Variants in DPY19L4 observed in about 807,000 individuals in gnomAD.
The protein encoded by DPY19L4 is dpy-19 like 4.
DPY19L4 carries 97 observed loss-of-function variants against 102.8 expected under a neutral mutation model. The ratio of observed to expected loss-of-function variants is 0.94; its 90% CI spans 0.80 to 1.12. The LOEUF is 1.12. DPY19L4 is among the 50% of genes most tolerant of loss of function. The pLI is 0.00. For synonymous variants in DPY19L4, 252 were observed against 283.1 expected (o/e 0.89, Z 1.10); for missense variants, 815 against 850.4 (o/e 0.96, Z 0.52).
rs549079536 is a variant in DPY19L4 at position 94,756,124 on chromosome 8, G to A, written c.700G>A (p.Gly234Ser). ...TGCATGCCAAATTGCTGCACTTACA[G>A]GCTATTTAAAAAGCAACTTAAATAC... ...YFACQIAALTGYLKSNLNTYG... is the reference protein window; with the variant it reads ...YFACQIAALTSYLKSNLNTYG... The change falls in exon 7 of 19, where the codon GGC (glycine) becomes AGC (serine). Residue 234 changes from glycine (G) to serine (S), a missense_variant. Transcript: ENST00000414645. 1.9e-6 allele frequency: 3 copies of A among 1,613,790 alleles called. No individual in the cohort carries two copies. In the South Asian group the frequency reaches 3.3e-5, roughly 18 times the overall value.
intron 13 of DPY19L4, among the ~76,000 whole-genome samples, chr8:94,772,897 A>C (rs1358086333): frequency 6.6e-6 from 1 of 152,206 alleles, no homozygotes; most frequent in Non-Finnish European, 1.5e-5. Flanking sequence ...AGTAAGATGC[A>C]TGGGAATAAA....
chr8:94,775,976 T>C (rs188546950), intron 13 of DPY19L4, among the ~76,000 whole-genome samples: 304 of 151,908 alleles, frequency 2.0e-3, no homozygotes, highest in African/African-American at 6.9e-3. Context: ...TAATTTTTTC[T>C]GTACACCTGG....
intron 1 of DPY19L4, 124 bp downstream of exon 1, chr8:94,720,138 G>A: frequency 7.2e-7 from 1 of 1,386,876 alleles, no homozygotes; most frequent in Non-Finnish European, 9.4e-7. Flanking sequence ...CGCGCGGGCA[G>A]GGCGGGAAGG....
rs564148757 is a variant in DPY19L4, at chr8:94,777,530, T to C, written c.1455-136T>C. ...TGGATAACAATCTGTTGCTGAAAAT[T>C]AGAGTCTAAGCTTTTTCACTGTCCC... is the stretch of plus-strand genomic sequence containing the variant. On this transcript the variant is annotated intron_variant, in intron 13 of 18. Transcript: ENST00000414645. 1.2e-5 allele frequency: 13 copies of C among 1,075,728 alleles called. No homozygotes were observed. In the East Asian group the frequency reaches 2.2e-4, roughly 18 times the overall value. The allele number at this position is 1,075,728 out of a possible 1,614,324, so 66.6% of individuals were successfully genotyped here.
rs1488496200 is a variant in DPY19L4, at chr8:94,791,351, A to G, written c.*1441A>G. ...TTAAAGTACATGCATTCTTAGACTA[A>G]CTCTCAGATGCTTTGCTCTTTTGGA... On this transcript the variant is annotated 3_prime_UTR_variant, in exon 19 of 19. Transcript: ENST00000414645. 6.6e-6 allele frequency: 1 copy of G among 152,118 alleles called. No individual in the cohort carries two copies. The highest frequency in any genetic ancestry group is 2.4e-5 in the African/African-American group (1 of 41,436). 9.4% of individuals were successfully genotyped at this position (152,118 alleles called of 1,614,324 possible). A position where few individuals can be genotyped will look rare whatever the true frequency, so the allele number is the denominator to read the frequency against.
intron 13 of DPY19L4, among the ~76,000 whole-genome samples, chr8:94,776,623 G>A (rs1191416635): frequency 6.6e-6 from 1 of 150,832 alleles, no homozygotes; most frequent in African/African-American, 2.4e-5. Context: ...TGTTGTTGTT[G>A]TTGTTTTTCC....
At chr8:94,771,550 A>G (rs963375220) in intron 13 of DPY19L4, among the ~76,000 whole-genome samples, 2 of 152,260 alleles carry the variant, frequency 1.3e-5, no homozygotes, top group Admixed American at 6.5e-5. Context: ...GGAGATGTAC[A>G]TGGTGCTATA....
rs1811118145 is a variant in DPY19L4, at chr8:94,734,670, T to C, written c.168T>C (p.Cys56=). Residue 56 remains cysteine (C), a synonymous_variant, in exon 3 of 19, where the codon TGT becomes TGC. Transcript: ENST00000414645. ...FQRFAKIFIG[C]LAAVTSGMMY... is the part of the protein sequence containing the mutation. ...GCTTTGCAAAGATTTTCATTGGCTGTCTTGCAGCGGTTACTAGTGGTATGA... is the reference window on the plus strand; with the variant it reads ...GCTTTGCAAAGATTTTCATTGGCTGCCTTGCAGCGGTTACTAGTGGTATGA... The C allele has an allele frequency of 6.2e-7, 1 of 1,614,114 alleles. No homozygotes were observed. The highest frequency in any genetic ancestry group is 1.3e-5 in the African/African-American group (1 of 75,070).
At chr8:94,767,583 T>C (rs750014213) in intron 11 of DPY19L4, among the ~76,000 whole-genome samples, 25 of 152,150 alleles carry the variant, frequency 1.6e-4, no homozygotes, top group Non-Finnish European at 2.9e-4. Context: ...TGAGCCACCT[T>C]GCCTGGCTCA....
chr8:94,756,988 G>A (rs182407138), intron 7 of DPY19L4, among the ~76,000 whole-genome samples: 2 of 152,308 alleles, frequency 1.3e-5, no homozygotes, highest in East Asian at 3.9e-4. Flanking sequence ...TCACGCCACT[G>A]CCTTCTAGCC....
At chr8:94,771,607 C>G (rs1812939334) in intron 13 of DPY19L4, among the ~76,000 whole-genome samples, 1 of 152,168 alleles carries the variant, frequency 6.6e-6, no homozygotes, top group African/African-American at 2.4e-5. Context: ...GAAAAGTTCT[C>G]TAAGGAAAAA....
chr8:94,788,535 A>G (rs1318842399), intron 18 of DPY19L4, among the ~76,000 whole-genome samples: 2 of 152,224 alleles, frequency 1.3e-5, no homozygotes, highest in East Asian at 3.8e-4. Context: ...GAATGTATTA[A>G]AAGCCATGTT....
rs1813931448 is a variant in DPY19L4, at chr8:94,793,227, T to G, written c.*3317T>G. The G allele has an allele frequency of 6.6e-6, 1 of 152,240 alleles. No individual in the cohort carries two copies. Among genetic ancestry groups the G allele is most frequent in the Non-Finnish European group, 1.5e-5 (1 of 68,038 alleles). The allele number at this position is 152,240 out of a possible 1,614,324, so 9.4% of individuals were successfully genotyped here. On this transcript the variant is annotated 3_prime_UTR_variant, in exon 19 of 19. Coordinates refer to ENST00000414645, the MANE Select transcript of DPY19L4 (RefSeq NM_181787.3). ...AAAAGCAGAAATGGAAGTCAAAGTG[T>G]GTTATAAATTGAGACTGAAAAACAT...
intron 6 of DPY19L4, among the ~76,000 whole-genome samples, chr8:94,754,824 T>C (rs183294414): frequency 2.6e-5 from 4 of 152,332 alleles, no homozygotes; most frequent in Non-Finnish European, 5.9e-5. Flanking sequence ...AGTCTTGCTG[T>C]GTCACCCAGC....
rs148572618 is a variant in DPY19L4, at chr8:94,751,566, A to G, written c.612-4470A>G. ...GAGTGCAGTGGCATGATCTCGGCTC[A>G]CTGCAGCCTCTGCCTCCCGGGTTCA... On this transcript the variant is annotated intron_variant, in intron 6 of 18. Coordinates refer to ENST00000414645, the MANE Select transcript of DPY19L4 (RefSeq NM_181787.3). 3.1e-3 allele frequency among the ~76,000 whole-genome samples: 476 copies of G among 151,918 alleles called. 4 individuals are homozygous for G. In the East Asian group the frequency reaches 0.038, roughly 12 times the overall value.
chr8:94,759,792 T>G (rs1253639192), intron 7 of DPY19L4, among the ~76,000 whole-genome samples: 1 of 152,196 alleles, frequency 6.6e-6, no homozygotes, highest in East Asian at 1.9e-4. Context: ...TGTGAGCCAC[T>G]GTGCCCGGCC....
intron 1 of DPY19L4, 189 bp downstream of exon 1, chr8:94,720,203 C>T: frequency 2.0e-6 from 2 of 985,288 alleles, no homozygotes; most frequent in Non-Finnish European, 2.4e-6. Context: ...GAGCAAATGG[C>T]CCGAAGTTTT....
chr8:94,761,622 A>G (rs1812395642), intron 7 of DPY19L4, 78 bp from the exon 8 acceptor site: 1 of 1,294,598 alleles, frequency 7.7e-7, no homozygotes, highest in Non-Finnish European at 1.0e-6. Context: ...CAGAGCTACA[A>G]CTTTGAGGTA....
intron 7 of DPY19L4, among the ~76,000 whole-genome samples, chr8:94,759,855 C>A (rs1451295097): frequency 1.3e-5 from 2 of 152,156 alleles, no homozygotes; most frequent in Non-Finnish European, 2.9e-5. Flanking sequence ...ATTCTTGAGG[C>A]TAAGTTTCGT....
Sources: gnomAD v4.1 joint callset for allele counts (sites outside exome capture counted in the v4.1 genomes callset) on GRCh38, gnomAD v4.1.1 for gene constraint, MANE v1.5 for transcripts, NCBI Gene and HGNC (gene_info 2026-07-23, HGNC 2026-07-21) for gene names.